Variants in BMP6 observed in about 807,000 individuals in gnomAD.
The protein encoded by BMP6 is VG-1-R.
Under a neutral mutation model 54.1 loss-of-function variants are expected in BMP6, and 17 were observed. The ratio of observed to expected loss-of-function variants is 0.31; its 90% CI spans 0.22 to 0.47. BMP6 has a LOEUF of 0.47. Ranked by LOEUF, BMP6 falls within the 20% of genes least tolerant of loss-of-function variation. The pLI is 1.00. For missense variants in BMP6, 720 were observed against 690.4 expected, an observed-to-expected ratio of 1.04 and a Z score of -0.48; for synonymous variants, 328 against 291.2, an observed-to-expected ratio of 1.13 and a Z score of -1.28.
At chr6:7,832,045 C>T (rs537411347) in intron 1 of BMP6, among the ~76,000 whole-genome samples, 72 of 152,192 alleles carry the variant, frequency 4.7e-4, no homozygotes, top group Admixed American at 9.2e-4. Context: ...AAGGTAGACA[C>T]GCAAACAGCT....
intron 4 of BMP6, among the ~76,000 whole-genome samples, chr6:7,869,850 C>T (rs1759491078): frequency 6.6e-6 from 1 of 152,120 alleles, no homozygotes; most frequent in South Asian, 2.1e-4. Flanking sequence ...GGAACGTGCA[C>T]CTGCAACAGG....
At chr6:7,840,079 C>T (rs1758943842) in intron 1 of BMP6, among the ~76,000 whole-genome samples, 3 of 152,206 alleles carry the variant, frequency 2.0e-5, no homozygotes, top group Non-Finnish European at 4.4e-5. Flanking sequence ...ATACATGAGC[C>T]ATTCACCCGC....
At chr6:7,794,458 G>T (rs1241860835) in intron 1 of BMP6, among the ~76,000 whole-genome samples, 1 of 152,060 alleles carries the variant, frequency 6.6e-6, no homozygotes, top group East Asian at 1.9e-4. Context: ...AAAATAGCTG[G>T]GTGTGGTGGC....
At chr6:7,850,461 A>G (rs1393874359) in intron 2 of BMP6, among the ~76,000 whole-genome samples, 1 of 152,214 alleles carries the variant, frequency 6.6e-6, no homozygotes, top group Non-Finnish European at 1.5e-5. Context: ...TAAAACAGGA[A>G]GATTTCCTCA....
At chr6:7,876,592 A>AT (rs1229639724) in intron 4 of BMP6, among the ~76,000 whole-genome samples, 31 of 152,262 alleles carry the variant, frequency 2.0e-4, no homozygotes, top group African/African-American at 7.0e-4. Flanking sequence ...GAATTCTTTA[A>AT]TTCTGTCTTC....
chr6:7,879,076 T>C lies in BMP6; in HGVS notation c.1207T>C (p.Tyr403His), dbSNP rs759662999. The C allele has an allele frequency of 5.6e-6, 9 of 1,613,946 alleles. No homozygotes were observed. The highest frequency in any genetic ancestry group is 2.2e-5 in the South Asian group (2 of 91,076). ...DVARVSSASD[Y>H]NSSELKTACR... is the part of the protein sequence containing the mutation. ...CATCTTTTGATCTCCTCCAACAGAT[T>C]ACAACAGCAGTGAATTGAAAACAGC... The change falls in exon 5 of 7, where the codon TAC becomes CAC. Residue 403 changes from tyrosine (Y) to histidine (H), a missense_variant and splice_region_variant. By Grantham distance (83) the Tyr-to-His change is moderately conservative. Coordinates refer to ENST00000283147, the MANE Select transcript of BMP6 (RefSeq NM_001718.6).
Position 7,876,167 on chromosome 6 carries a change from A to C in BMP6, c.1205-2907A>C, listed in dbSNP as rs554306369. Among the ~76,000 whole-genome samples, 12 of 152,316 alleles carry C rather than the reference A, an allele frequency of 7.9e-5. No individual in the cohort carries two copies. In the East Asian group the frequency reaches 2.1e-3, roughly 27 times the overall value. On this transcript the variant is annotated intron_variant, in intron 4 of 6. Transcript: ENST00000283147. ...AATATCCACTACAGCTGGGTATGGC[A>C]TTCTAGGTTTGATGGCATCATTTTC...
At chr6:7,766,689 G>A (rs2113148821) in intron 1 of BMP6, among the ~76,000 whole-genome samples, 1 of 152,236 alleles carries the variant, frequency 6.6e-6, no homozygotes, top group Non-Finnish European at 1.5e-5. Context: ...CAATTTCCTT[G>A]CTCCTAAGTG....
chr6:7,732,653 GAATACTGGCTA>G (rs1320868924), intron 1 of BMP6, among the ~76,000 whole-genome samples: 3 of 151,716 alleles, frequency 2.0e-5, no homozygotes, highest in Admixed American at 6.6e-5. Flanking sequence ...ACTTGACTAT[GAATACTGGCTA>G]AATACTGGCT....
intron 1 of BMP6, among the ~76,000 whole-genome samples, chr6:7,838,900 C>T (rs1179952621): frequency 2.0e-5 from 3 of 148,816 alleles, no homozygotes; most frequent in Non-Finnish European, 4.4e-5. Context: ...CGAGATCGCG[C>T]CACTGCACTC....
chr6:7,813,556 T>C lies in BMP6; in HGVS notation c.665-31584T>C, dbSNP rs1581258962. On this transcript the variant is annotated intron_variant, in intron 1 of 6. Coordinates refer to ENST00000283147, the MANE Select transcript of BMP6 (RefSeq NM_001718.6). ...TACTAGGGAGGCTGAGGTGGGAGAA[T>C]CATTTGAGCCCAGGAGTTCAAGGGT... is the stretch of plus-strand genomic sequence containing the variant. Among the ~76,000 whole-genome samples the C allele has an allele frequency of 3.0e-5, 4 of 132,212 alleles. 1 individual carries two copies. The South Asian group carries it at 7.2e-4, about 24-fold the overall frequency. The allele number at this position is 132,212 out of a possible 152,430, so 86.7% of individuals were successfully genotyped here. A position where few individuals can be genotyped will look rare whatever the true frequency, so the allele number is the denominator to read the frequency against.
intron 1 of BMP6, among the ~76,000 whole-genome samples, chr6:7,793,328 T>C (rs879036985): frequency 6.6e-6 from 1 of 150,840 alleles, no homozygotes; most frequent in African/African-American, 2.4e-5. Context: ...AAGGCAAAAC[T>C]GTAGAGACAG....
At chr6:7,772,263 T>A (rs1022193534) in intron 1 of BMP6, among the ~76,000 whole-genome samples, 5 of 152,200 alleles carry the variant, frequency 3.3e-5, no homozygotes. Flanking sequence ...TGTCTTCTTG[T>A]CATTGTTCAC....
intron 4 of BMP6, among the ~76,000 whole-genome samples, chr6:7,866,217 C>T (rs1051967858): frequency 2.0e-5 from 3 of 152,234 alleles, no homozygotes; most frequent in South Asian, 4.1e-4. Flanking sequence ...GCTTGGATAG[C>T]CTCTGCATGG....
In BMP6 at chr6:7,727,666, A is replaced by C. The variant is rs759751939; in HGVS notation, c.664+47A>C. 5 of 1,464,424 alleles carry C rather than the reference A, an allele frequency of 3.4e-6. No homozygotes were observed. The South Asian group carries it at 5.7e-5, about 17-fold the overall frequency. The allele number at this position is 1,464,424 out of a possible 1,614,324, so 90.7% of individuals were successfully genotyped here. On this transcript the variant is annotated intron_variant, in intron 1 of 6. Transcript: ENST00000283147. ...ATGACGAGAACATTTCCCCCTTTTC[A>C]GTGTCCCGGGCCCAGGGGATGGAGT...
chr6:7,829,788 C>T (rs1198295031), intron 1 of BMP6, among the ~76,000 whole-genome samples: 3 of 152,224 alleles, frequency 2.0e-5, no homozygotes, highest in South Asian at 4.1e-4. Flanking sequence ...CTTTGCCTCC[C>T]GCCTCTTCAT....
rs934253977 is a variant in BMP6 at position 7,881,263 on chromosome 6, G to C, written c.*920G>C. 1 of 152,574 alleles carries C rather than the reference G, an allele frequency of 6.6e-6. No homozygotes were observed. Among genetic ancestry groups the C allele is most frequent in the African/African-American group, 2.4e-5 (1 of 41,426 alleles). 9.5% of individuals were successfully genotyped at this position (152,574 alleles called of 1,614,324 possible). On this transcript the variant is annotated 3_prime_UTR_variant, in exon 7 of 7. Coordinates refer to ENST00000283147, the MANE Select transcript of BMP6 (RefSeq NM_001718.6). ...CCAGCTTATAAGAATGGTGTTAGGG[G>C]GATGAGCATGCTGTTTATGAACGGA...
intron 1 of BMP6, among the ~76,000 whole-genome samples, chr6:7,811,926 A>AAT (rs940989979): frequency 3.3e-5 from 5 of 152,176 alleles, no homozygotes; most frequent in Admixed American, 6.5e-5. Context: ...CTAAGTGAAA[A>AAT]ATATATATAT....
Position 7,727,285 on chromosome 6 carries a change from G to A in BMP6, c.330G>A (p.Gln110=), listed in dbSNP as rs1305764770. The change falls in exon 1 of 7, where the codon CAG becomes CAA. Residue 110 remains glutamine (Q), a synonymous_variant. Transcript: ENST00000283147. ...QQPQPPALRQ[Q]EEQQQQQQLP... is the part of the protein sequence containing the mutation. ...CGCAGCCCCCGGCGCTCCGGCAGCA[G>A]GAGGAGCAGCAGCAGCAGCAGCAGC... 3.7e-6 allele frequency: 6 copies of A among 1,606,792 alleles called. No homozygotes were observed. The highest frequency in any genetic ancestry group is 5.1e-6 in the Non-Finnish European group (6 of 1,177,390).
Sources: gnomAD v4.1 joint callset for allele counts (sites outside exome capture counted in the v4.1 genomes callset) on GRCh38, gnomAD v4.1.1 for gene constraint, MANE v1.5 for transcripts, NCBI Gene and HGNC (gene_info 2026-07-23, HGNC 2026-07-21) for gene names.